The following ARL13B variants were observed in gnomAD, a reference collection of about 807,000 sequenced individuals.
ARL13B encodes the protein ARF like GTPase 13B.
A neutral mutation model predicts 56.1 loss-of-function variants in ARL13B; 36 were observed. The ratio of observed to expected loss-of-function variants is 0.64; its 90% CI spans 0.49 to 0.85. The LOEUF is 0.85. Ranked by LOEUF, ARL13B falls within the 40% of genes least tolerant of loss-of-function variation. The pLI is 0.00. For missense variants in ARL13B, 519 were observed against 507.1 expected (o/e 1.02, Z -0.23); for synonymous variants, 178 against 171.1 (o/e 1.04, Z -0.32).
chr3:94,023,125 C>T (rs1344244439), intron 3 of ARL13B, among the ~76,000 whole-genome samples: 3 of 151,664 alleles, frequency 2.0e-5, no homozygotes, highest in African/African-American at 7.3e-5. Context: ...TACCATAGCT[C>T]CTTTTCAAAA....
intron 3 of ARL13B, among the ~76,000 whole-genome samples, chr3:94,029,334 A>ATATATATAT (rs2076625062): frequency 7.5e-5 from 4 of 53,430 alleles, no homozygotes; most frequent in Non-Finnish European, 1.4e-4. Flanking sequence ...ATATATATAT[A>ATATATATAT]TTTATTTTTT....
chr3:94,035,957 A>C (rs895204243), intron 4 of ARL13B, among the ~76,000 whole-genome samples: 1 of 152,056 alleles, frequency 6.6e-6, no homozygotes, highest in Admixed American at 6.6e-5. Context: ...CTGTAGTCCC[A>C]GCTGCTTGAG....
At chr3:93,992,476 C>T (rs983340633) in intron 1 of ARL13B, among the ~76,000 whole-genome samples, 1 of 152,132 alleles carries the variant, frequency 6.6e-6, no homozygotes, top group Non-Finnish European at 1.5e-5. Flanking sequence ...TCTCATGTTA[C>T]TGTAATTACC....
At chr3:93,989,649 A>G (rs1462033155) in intron 1 of ARL13B, among the ~76,000 whole-genome samples, 1 of 151,734 alleles carries the variant, frequency 6.6e-6, no homozygotes, top group Admixed American at 6.6e-5. Context: ...TTTAATTTTC[A>G]TTATATCCCT....
At chr3:94,017,724 G>A (rs1464075065) in intron 3 of ARL13B, among the ~76,000 whole-genome samples, 1 of 152,180 alleles carries the variant, frequency 6.6e-6, no homozygotes, top group Non-Finnish European at 1.5e-5. Context: ...TCTCTAAGCA[G>A]ATATTTGAGA....
In ARL13B at chr3:94,036,664, G is replaced by T. The variant is rs764109067; in HGVS notation, c.599G>T (p.Arg200Leu). The T allele has an allele frequency of 6.2e-7, 1 of 1,613,978 alleles. No homozygotes were observed. Among genetic ancestry groups the T allele is most frequent in the Non-Finnish European group, 8.5e-7 (1 of 1,180,000 alleles). Residue 200 changes from arginine to leucine, a missense_variant, in exon 5 of 10, where the codon CGC (arginine) becomes CTC (leucine). By Grantham distance (102) the Arg-to-Leu change is moderately radical. Transcript: ENST00000394222. ...IARDFDALNE[R>L]IQKETTEQRA... The stretch of plus-strand genomic sequence containing the variant: ...AGAGACTTTGATGCCTTAAATGAAC[G>T]CATCCAAAAAGAGACAACAGAGCAG...
At chr3:94,043,538 TCC>T (rs2076903218) in intron 7 of ARL13B, among the ~76,000 whole-genome samples, 1 of 2,052 alleles carries the variant, frequency 4.9e-4, no homozygotes, top group Admixed American at 2.3e-3. Flanking sequence ...GGAATAGCCC[TCC>T]CCCTCCTCCC....
At chr3:94,002,578 G>T (rs2076072108) in intron 2 of ARL13B, among the ~76,000 whole-genome samples, 1 of 152,060 alleles carries the variant, frequency 6.6e-6, no homozygotes, top group Admixed American at 6.6e-5. Context: ...TATAAAGTTT[G>T]AACTTTTCTC....
At chr3:93,982,075 C>G (rs1447530832) in intron 1 of ARL13B, among the ~76,000 whole-genome samples, 3 of 152,024 alleles carry the variant, frequency 2.0e-5, no homozygotes, top group Non-Finnish European at 4.4e-5. Flanking sequence ...ATATAACTTA[C>G]GTTCTTTTAA....
At chr3:93,985,564 T>C (rs1223638503) in intron 1 of ARL13B, among the ~76,000 whole-genome samples, 2 of 152,206 alleles carry the variant, frequency 1.3e-5, no homozygotes, top group South Asian at 2.1e-4. Context: ...TAACTTCTTA[T>C]ATATTATGCA....
At chr3:93,980,613 G>A in intron 1 of ARL13B, 131 bp downstream of exon 1, 1 of 1,143,010 alleles carries the variant, frequency 8.7e-7, no homozygotes, top group Admixed American at 2.1e-5. Flanking sequence ...CATTCCCAGG[G>A]TGTCCCGGGA....
intron 1 of ARL13B, 101 bp downstream of exon 1, chr3:93,980,583 C>A: frequency 6.9e-7 from 1 of 1,453,276 alleles, no homozygotes; most frequent in South Asian, 1.2e-5. Flanking sequence ...GAGTCTATCC[C>A]AGGCCGCAAG....
chr3:94,015,674 G>A (rs140247076), intron 3 of ARL13B, among the ~76,000 whole-genome samples: 6 of 152,006 alleles, frequency 3.9e-5, no homozygotes, highest in African/African-American at 9.6e-5. Context: ...TACTGTTTCC[G>A]GTTAATTTGG....
intron 1 of ARL13B, among the ~76,000 whole-genome samples, chr3:93,984,335 G>T (rs536528948): frequency 2.0e-5 from 3 of 149,210 alleles, no homozygotes; most frequent in African/African-American, 7.4e-5. Context: ...CAGCCTGGGC[G>T]ACAGAGCAAG....
intron 6 of ARL13B, 60 bp from the exon 7 acceptor site, chr3:94,042,955 C>T (rs1251659822): frequency 7.1e-7 from 1 of 1,408,964 alleles, no homozygotes. Flanking sequence ...TTTCCTCTCC[C>T]TTAAAACTAT....
At chr3:93,998,103 T>G (rs2075996614) in intron 2 of ARL13B, among the ~76,000 whole-genome samples, 1 of 152,238 alleles carries the variant, frequency 6.6e-6, no homozygotes, top group Admixed American at 6.5e-5. Flanking sequence ...ATTTTTCTTT[T>G]AATTTTTTTT....
At chr3:94,031,258 A>T (rs1212326598) in intron 3 of ARL13B, among the ~76,000 whole-genome samples, 9 of 152,204 alleles carry the variant, frequency 5.9e-5, no homozygotes. Context: ...GAAATGAAAA[A>T]ATCAACACGA....
Position 94,055,587 on chromosome 3 carries a change from T to C in ARL13B, c.*2324T>C, listed in dbSNP as rs1397224196. The C allele has an allele frequency of 2.2e-6, 1 of 453,962 alleles. No homozygotes were observed. The highest frequency in any genetic ancestry group is 4.4e-6 in the Non-Finnish European group (1 of 226,682). 28.1% of individuals were successfully genotyped at this position (453,962 alleles called of 1,614,324 possible). A position where few individuals can be genotyped will look rare whatever the true frequency, so the allele number is the denominator to read the frequency against. Reference sequence around the variant, plus strand: ...TTTTTATGTATTTAAAAGAGGCTCTTGTGTGCCTTTATGTGTAAAATGCAT... The same window carrying C: ...TTTTTATGTATTTAAAAGAGGCTCTCGTGTGCCTTTATGTGTAAAATGCAT... On this transcript the variant is annotated 3_prime_UTR_variant, in exon 10 of 10. Coordinates refer to ENST00000394222, the MANE Select transcript of ARL13B (RefSeq NM_001174150.2).
rs1559977202 is a variant in ARL13B at position 94,003,923 on chromosome 3, C to T, written c.380+15C>T. 1.2e-6 allele frequency: 2 copies of T among 1,612,884 alleles called. No individual in the cohort carries two copies. On this transcript the variant is annotated intron_variant, in intron 3 of 9. Coordinates refer to ENST00000394222, the MANE Select transcript of ARL13B (RefSeq NM_001174150.2). The stretch of plus-strand genomic sequence containing the variant: ...CCTATATTGGTGTAAGTAATGTTAG[C>T]ATCATTGTAAATGTAGGGACGATGG...
Sources: allele counts gnomAD v4.1 joint callset (sites outside exome capture counted in the v4.1 genomes callset), GRCh38; gene constraint gnomAD v4.1.1; transcripts MANE v1.5; gene names NCBI Gene and HGNC (gene_info 2026-07-23, HGNC 2026-07-21).